ARHGEF28: variants seen among roughly 807,000 people sequenced by gnomAD.
ARHGEF28 encodes the protein Rho guanine nucleotide exchange factor 28, also known as 190 kDa guanine nucleotide exchange factor.
Under a neutral mutation model 206.6 loss-of-function variants are expected in ARHGEF28, and 152 were observed. That is an observed-to-expected ratio of 0.74 (90% CI 0.64 to 0.84). The LOEUF (loss-of-function observed/expected upper bound fraction) is 0.84, where lower values mean the gene tolerates loss of function less well. Ranked by LOEUF, ARHGEF28 falls within the 40% of genes least tolerant of loss-of-function variation. The pLI is 0.00. For missense variants in ARHGEF28, 2,028 were observed against 2,073.2 expected (o/e 0.98, Z 0.42); for synonymous variants, 763 against 776.4 (o/e 0.98, Z 0.29).
chr5:73,709,032 G>A (rs528720846), intron 2 of ARHGEF28, among the ~76,000 whole-genome samples: 34 of 152,168 alleles, frequency 2.2e-4, no homozygotes, highest in African/African-American at 8.2e-4. Flanking sequence ...ACTTTTGAAT[G>A]GGGTTATTTG....
intron 35 of ARHGEF28, chr5:73,923,053 A>G: frequency 6.6e-7 from 1 of 1,519,568 alleles, no homozygotes. Context: ...TCTGTTAGTC[A>G]GCATCTGGTA....
intron 1 of ARHGEF28, among the ~76,000 whole-genome samples, chr5:73,663,433 A>G (rs1378355627): frequency 6.6e-6 from 1 of 152,208 alleles, no homozygotes; most frequent in Non-Finnish European, 1.5e-5. Flanking sequence ...ACAGGTCTCC[A>G]CTAACTTAAA....
At chr5:73,847,183 T>A (rs1358721389) in intron 12 of ARHGEF28, among the ~76,000 whole-genome samples, 1 of 152,240 alleles carries the variant, frequency 6.6e-6, no homozygotes, top group South Asian at 2.1e-4. Context: ...TATAAAACAA[T>A]GTGTGCTATG....
Position 73,941,155 on chromosome 5 carries a change from T to A in ARHGEF28, c.*142T>A, listed in dbSNP as rs1742593204. The A allele has an allele frequency of 2.4e-6, 2 of 836,954 alleles. No homozygotes were observed. The highest frequency in any genetic ancestry group is 3.5e-5 in the African/African-American group (2 of 56,412). 51.8% of individuals were successfully genotyped at this position (836,954 alleles called of 1,614,324 possible). ...TTAATATTTCCTGGAAGCTCATTTTTTTGGCATGAGTCTAATTAAATTATT... is the reference window on the plus strand; with the variant it reads ...TTAATATTTCCTGGAAGCTCATTTTATTGGCATGAGTCTAATTAAATTATT... On this transcript the variant is annotated 3_prime_UTR_variant, in exon 36 of 36. Transcript: ENST00000513042.
rs555271237 is a variant in ARHGEF28 at position 73,873,090 on chromosome 5, C to T, written c.2658C>T (p.Asp886=). ...GCATGAAAGAGGAGCTGCAGCTGGA[C>T]CACAGCACCGTGGATAAAATTTTCC... is the stretch of plus-strand genomic sequence containing the variant. ...RKGMKEELQL[D]HSTVDKIFPC... The change falls in exon 22 of 36, where the codon GAC becomes GAT. Residue 886 remains aspartate (D), a synonymous_variant. Coordinates refer to ENST00000513042, the MANE Select transcript of ARHGEF28 (RefSeq NM_001177693.2). 23 of 1,613,434 alleles carry T rather than the reference C, an allele frequency of 1.4e-5. No individual in the cohort carries two copies. In the South Asian group the frequency reaches 2.1e-4, roughly 15 times the overall value.
chr5:73,868,043 A>G lies in ARHGEF28; in HGVS notation c.2297+23A>G, dbSNP rs371067128. The G allele has an allele frequency of 1.5e-5, 24 of 1,613,588 alleles. No homozygotes were observed. In the African/African-American group the frequency reaches 2.7e-4, roughly 18 times the overall value. ...AAGGTAAGGCTGAGTGTGTTTTTAC[A>G]TATTAATGGCTCAGAGAGCTTCTGG... On this transcript the variant is annotated intron_variant, in intron 19 of 35. Transcript: ENST00000513042.
At chr5:73,934,682 T>C (rs1471985000) in intron 35 of ARHGEF28, among the ~76,000 whole-genome samples, 4 of 152,198 alleles carry the variant, frequency 2.6e-5, no homozygotes, top group Non-Finnish European at 5.9e-5. Context: ...TCGGGTACAC[T>C]GTGAGAAAAG....
chr5:73,863,227 T>C (rs1232586619), intron 16 of ARHGEF28: 1 of 152,140 alleles, frequency 6.6e-6, no homozygotes, highest in African/African-American at 2.4e-5. Context: ...GTCATTTAAT[T>C]ATTTTTCTTA....
Position 73,832,438 on chromosome 5 carries a change from T to C in ARHGEF28, c.1125T>C (p.Ala375=), listed in dbSNP as rs1757355885. 6.2e-7 allele frequency: 1 copy of C among 1,612,494 alleles called. No homozygotes were observed. Among genetic ancestry groups the C allele is most frequent in the African/African-American group, 1.3e-5 (1 of 74,926 alleles). ...TGAATGGAGGTGATGAAGTCTACGC[T>C]AACTGTATGGTGATTGATCAGGTAA... ...DMLNGGDEVY[A]NCMVIDQVGD... Residue 375 remains alanine, a synonymous_variant, in exon 10 of 36, where the codon GCT becomes GCC. Coordinates refer to ENST00000513042, the MANE Select transcript of ARHGEF28 (RefSeq NM_001177693.2).
rs368549280 is a variant in ARHGEF28, at chr5:73,850,438, C to T, written c.1747+1351C>T. Among the ~76,000 whole-genome samples the T allele has an allele frequency of 5.9e-5, 9 of 152,182 alleles. No homozygotes were observed. In the East Asian group the frequency reaches 1.5e-3, roughly 26 times the overall value. ...TGTTCTGGATTTTTGTTTTTTACTT[C>T]ATGGGTTCTTTCTAGGTCTCCAGGT... On this transcript the variant is annotated intron_variant, in intron 13 of 35. Coordinates refer to ENST00000513042, the MANE Select transcript of ARHGEF28 (RefSeq NM_001177693.2).
At chr5:73,904,987 A>T (rs953751434) in intron 33 of ARHGEF28, 5 of 152,548 alleles carry the variant, frequency 3.3e-5, no homozygotes, top group African/African-American at 1.2e-4. Context: ...CATAAAAAAG[A>T]AATCATGCTT....
chr5:73,818,706 AG>A (rs1229823243), intron 9 of ARHGEF28, among the ~76,000 whole-genome samples: 4 of 152,208 alleles, frequency 2.6e-5, no homozygotes, highest in Non-Finnish European at 5.9e-5. Context: ...CAAACAACAT[AG>A]TTGCATACCC....
At chr5:73,923,553 T>C (rs1346051509) in intron 35 of ARHGEF28, among the ~76,000 whole-genome samples, 1 of 152,234 alleles carries the variant, frequency 6.6e-6, no homozygotes, top group African/African-American at 2.4e-5. Flanking sequence ...AGGTAAGAGA[T>C]ACAGATATAT....
rs1356176904 is a variant in ARHGEF28 at position 73,941,016 on chromosome 5, GTGT to G, written c.*7_*9del. 6.8e-7 allele frequency: 1 copy of G among 1,480,594 alleles called. No homozygotes were observed. Among genetic ancestry groups the G allele is most frequent in the Non-Finnish European group, 8.9e-7 (1 of 1,123,800 alleles). 91.7% of individuals were successfully genotyped at this position (1,480,594 alleles called of 1,614,324 possible). A position where few individuals can be genotyped will look rare whatever the true frequency, so the allele number is the denominator to read the frequency against. On this transcript the variant is annotated 3_prime_UTR_variant, in exon 36 of 36. Coordinates refer to ENST00000513042, the MANE Select transcript of ARHGEF28 (RefSeq NM_001177693.2). ...AAGAAAATATTGTTTACCTCTAATT[GTGT>G]TGTCATTTTTCCAAACAAAACAAAA... is the stretch of plus-strand genomic sequence containing the variant.
At chr5:73,812,404 G>C (rs1755896558) in intron 9 of ARHGEF28, among the ~76,000 whole-genome samples, 1 of 152,158 alleles carries the variant, frequency 6.6e-6, no homozygotes, top group African/African-American at 2.4e-5. Context: ...ATGTCGTTTA[G>C]TTTATTTGGA....
intron 1 of ARHGEF28, among the ~76,000 whole-genome samples, chr5:73,653,748 ACAT>A (rs1744990426): frequency 6.6e-6 from 1 of 152,206 alleles, no homozygotes; most frequent in African/African-American, 2.4e-5. Flanking sequence ...ACTAAGCACA[ACAT>A]CCAGTCTCCT....
intron 2 of ARHGEF28, among the ~76,000 whole-genome samples, chr5:73,727,919 G>A (rs56290133): frequency 0.02 from 3,004 of 152,260 alleles, 96 homozygotes; most frequent in African/African-American, 0.069. Flanking sequence ...TTGGGTGACT[G>A]TATCAAACTG....
At position 73,841,522 on chromosome 5, in the gene ARHGEF28, A is replaced by G. The variant is rs375344774; in HGVS notation, c.1427+762A>G. Among the ~76,000 whole-genome samples the G allele has an allele frequency of 4.7e-4, 71 of 152,196 alleles. 3 individuals carry two copies. Among genetic ancestry groups the G allele is most frequent in the African/African-American group, 1.7e-3 (69 of 41,554 alleles). On this transcript the variant is annotated intron_variant, in intron 11 of 35. Transcript: ENST00000513042. ...GGAGCTCAAGACCAGCATGGGCAAC[A>G]TGGTAAAACCCCATCTCTACCAAAA...
At chr5:73,901,418 C>T in intron 31 of ARHGEF28, 134 bp downstream of exon 31, 1 of 639,512 alleles carries the variant, frequency 1.6e-6, no homozygotes, top group East Asian at 3.1e-5. Flanking sequence ...TTTAAATATT[C>T]ATATTTAAAC....
Sources: allele counts gnomAD v4.1 joint callset (sites outside exome capture counted in the v4.1 genomes callset), GRCh38; gene constraint gnomAD v4.1.1; transcripts MANE v1.5; gene names NCBI Gene and HGNC (gene_info 2026-07-23, HGNC 2026-07-21).